LRRTM4: variants seen among roughly 807,000 people sequenced by gnomAD.
The protein encoded by LRRTM4 is leucine-rich repeat transmembrane neuronal protein 4.
A neutral mutation model predicts 47.6 loss-of-function variants in LRRTM4; 25 were observed. That is an observed-to-expected ratio of 0.53 (90% CI 0.38 to 0.73). LRRTM4 has a LOEUF of 0.73. Ranked by LOEUF, LRRTM4 falls within the 30% of genes least tolerant of loss-of-function variation. The pLI is 0.00. For missense variants in LRRTM4, 638 were observed against 713.4 expected (o/e 0.89, Z 1.20); for synonymous variants, 311 against 269.5 (o/e 1.15, Z -1.51).
At chr2:77,441,460 C>T (rs868227651) in intron 3 of LRRTM4, among the ~76,000 whole-genome samples, 1 of 152,188 alleles carries the variant, frequency 6.6e-6, no homozygotes, top group Middle Eastern at 3.4e-3. Flanking sequence ...TATACTTCTG[C>T]TGTTCGATAT....
intron 3 of LRRTM4, among the ~76,000 whole-genome samples, chr2:77,310,885 T>A (rs967217419): frequency 6.6e-6 from 1 of 151,980 alleles, no homozygotes; most frequent in African/African-American, 2.4e-5. Flanking sequence ...GAGAATATTG[T>A]GAGTGTGGTG....
chr2:77,049,761 GT>G (rs368753291), intron 3 of LRRTM4, among the ~76,000 whole-genome samples: 39 of 151,706 alleles, frequency 2.6e-4, no homozygotes, highest in African/African-American at 9.5e-4. Context: ...TCTGTTTATT[GT>G]TTTCCTTGCT....
chr2:77,185,883 T>C (rs899277249), intron 3 of LRRTM4, among the ~76,000 whole-genome samples: 1 of 152,136 alleles, frequency 6.6e-6, no homozygotes, highest in African/African-American at 2.4e-5. Flanking sequence ...TTAACTTCAG[T>C]GGGCTCATCT....
Position 77,150,762 on chromosome 2 carries a change from T to C in LRRTM4, c.1551+367556A>G, listed in dbSNP as rs543144284. 1.9e-3 allele frequency among the ~76,000 whole-genome samples: 292 copies of C among 152,272 alleles called. 1 individual carries two copies. The highest frequency in any genetic ancestry group is 6.8e-3 in the African/African-American group (282 of 41,570). ...ATTTTCCTTTGCACATTGTGTACCA[T>C]TGTTTATATTATTAAAAATAAATTA... On this transcript the variant is annotated intron_variant, in intron 3 of 3. Coordinates refer to ENST00000409884, the MANE Select transcript of LRRTM4 (RefSeq NM_001134745.3).
chr2:76,901,825 G>A (rs1386353232), intron 3 of LRRTM4, among the ~76,000 whole-genome samples: 1 of 152,242 alleles, frequency 6.6e-6, no homozygotes, highest in Admixed American at 6.5e-5. Context: ...TTAGCTGACA[G>A]AACTGGGCAC....
intron 3 of LRRTM4, among the ~76,000 whole-genome samples, chr2:77,119,195 A>C (rs1450324553): frequency 6.6e-6 from 1 of 151,758 alleles, no homozygotes; most frequent in African/African-American, 2.4e-5. Context: ...TACCACCCCC[A>C]TCCCCACTCT....
At chr2:77,319,551 G>A (rs935031504) in intron 3 of LRRTM4, among the ~76,000 whole-genome samples, 1 of 152,180 alleles carries the variant, frequency 6.6e-6, no homozygotes, top group Non-Finnish European at 1.5e-5. Context: ...AGGAACCAGG[G>A]AGTTTTTGAA....
chr2:76,870,188 C>T (rs1000771988), intron 3 of LRRTM4, among the ~76,000 whole-genome samples: 14 of 152,156 alleles, frequency 9.2e-5, no homozygotes, highest in African/African-American at 3.4e-4. Flanking sequence ...TTCCTGCTTG[C>T]TCAGCATTTT....
intron 3 of LRRTM4, among the ~76,000 whole-genome samples, chr2:77,080,759 T>C (rs1680503336): frequency 6.6e-6 from 1 of 152,234 alleles, no homozygotes; most frequent in Non-Finnish European, 1.5e-5. Context: ...ATGCAGTTAA[T>C]GCCCTAGTCT....
intron 3 of LRRTM4, among the ~76,000 whole-genome samples, chr2:76,787,566 G>A (rs1220822120): frequency 6.6e-6 from 1 of 151,534 alleles, no homozygotes; most frequent in Non-Finnish European, 1.5e-5. Context: ...GTTTTATGAA[G>A]TTAGGAAAAT....
intron 3 of LRRTM4, among the ~76,000 whole-genome samples, chr2:77,275,512 A>G (rs201906302): frequency 6.6e-6 from 1 of 152,178 alleles, no homozygotes; most frequent in East Asian, 1.9e-4. Context: ...TGTTATTGTA[A>G]AAAGGTCCCC....
chr2:76,924,757 AAG>A (rs1419619716), intron 3 of LRRTM4, among the ~76,000 whole-genome samples: 2 of 151,938 alleles, frequency 1.3e-5, no homozygotes, highest in Non-Finnish European at 2.9e-5. Flanking sequence ...TAGGAATAAT[AAG>A]ACACACACGC....
At chr2:76,951,807 G>C (rs1420584063) in intron 3 of LRRTM4, among the ~76,000 whole-genome samples, 1 of 151,426 alleles carries the variant, frequency 6.6e-6, no homozygotes, top group East Asian at 2.0e-4. Flanking sequence ...ACAGGCCCCA[G>C]TGTGTGATGT....
At position 76,966,987 on chromosome 2, in the gene LRRTM4, T is replaced by C. The variant is rs375592376; in HGVS notation, c.1552-218071A>G. On this transcript the variant is annotated intron_variant, in intron 3 of 3. Transcript: ENST00000409884. ...TTCTTGTATAATAGTATTACTATAT[T>C]TTTAGCTTTTAAAACTGCCAAATCA... 1.8e-4 allele frequency among the ~76,000 whole-genome samples: 28 copies of C among 151,590 alleles called. No homozygotes were observed. In the South Asian group the frequency reaches 5.2e-3, roughly 28 times the overall value.
rs576482805 is a variant in LRRTM4 at position 77,196,481 on chromosome 2, C to T, written c.1551+321837G>A. Among the ~76,000 whole-genome samples, 4 of 152,228 alleles carry T rather than the reference C, an allele frequency of 2.6e-5. No homozygotes were observed. The South Asian group carries it at 8.3e-4, about 32-fold the overall frequency. Reference sequence around the variant, plus strand: ...GTTCACCATGGCTCATGCCTGTAATCCCATGTAATCCCAGCACTGTGGGAG... The same window carrying T: ...GTTCACCATGGCTCATGCCTGTAATTCCATGTAATCCCAGCACTGTGGGAG... On this transcript the variant is annotated intron_variant, in intron 3 of 3. Transcript: ENST00000409884.
rs576841974 is a variant in LRRTM4, at chr2:76,975,281, C to T, written c.1552-226365G>A. On this transcript the variant is annotated intron_variant, in intron 3 of 3. Transcript: ENST00000409884. ...TGATGAGAAACAGGGCATCTTACTT[C>T]CTAATAGCTGTAATAGCTAGTTTAG... 2.7e-4 allele frequency among the ~76,000 whole-genome samples: 41 copies of T among 151,808 alleles called. No individual in the cohort carries two copies. In the East Asian group the frequency reaches 6.2e-3, roughly 23 times the overall value.
intron 3 of LRRTM4, among the ~76,000 whole-genome samples, chr2:76,800,784 G>T (rs1257977618): frequency 1.4e-5 from 2 of 140,826 alleles, no homozygotes; most frequent in Non-Finnish European, 1.5e-5. Flanking sequence ...CCATCAAAAA[G>T]TGGGCGAAGG....
intron 3 of LRRTM4, among the ~76,000 whole-genome samples, chr2:77,085,995 T>G (rs1558571209): frequency 6.6e-6 from 1 of 152,282 alleles, no homozygotes; most frequent in South Asian, 2.1e-4. Flanking sequence ...TCAGTCCATT[T>G]TTTGAGAAAG....
At chr2:77,003,215 TTG>T (rs1228302783) in intron 3 of LRRTM4, among the ~76,000 whole-genome samples, 2 of 152,004 alleles carry the variant, frequency 1.3e-5, no homozygotes, top group African/African-American at 2.4e-5. Context: ...TTGTCCACGT[TTG>T]TGTTTCTTAT....
Sources: gnomAD v4.1 joint callset for allele counts (sites outside exome capture counted in the v4.1 genomes callset) on GRCh38, gnomAD v4.1.1 for gene constraint, MANE v1.5 for transcripts, NCBI Gene and HGNC (gene_info 2026-07-23, HGNC 2026-07-21) for gene names.